The following CEP57L1 variants were observed in gnomAD, a reference collection of about 807,000 sequenced individuals.
The protein encoded by CEP57L1 is centrosomal protein 57 like 1.
CEP57L1 carries 37 observed loss-of-function variants against 61.0 expected under a neutral mutation model. The ratio of observed to expected loss-of-function variants is 0.61; its 90% confidence interval spans 0.47 to 0.80. CEP57L1 has a LOEUF of 0.80. Among genes scored for constraint, CEP57L1 ranks in the 30% least tolerant of loss-of-function variants. The pLI is 0.00. For missense variants in CEP57L1, 422 were observed against 524.7 expected (o/e 0.80, Z 1.91); for synonymous variants, 137 against 162.3 (o/e 0.84, Z 1.19).
At chr6:109,138,729 A>T (rs141426172) in intron 1 of CEP57L1, among the ~76,000 whole-genome samples, 1 of 152,192 alleles carries the variant, frequency 6.6e-6, no homozygotes, top group Non-Finnish European at 1.5e-5. Context: ...TTCTTTTAAG[A>T]TAAGTATGAC....
rs1774352576 is a variant in CEP57L1, at chr6:109,170,499, GA to G, written c.*7531del. 6.6e-6 allele frequency among the ~76,000 whole-genome samples: 1 copy of G among 152,010 alleles called. No homozygotes were observed. Among genetic ancestry groups the G allele is most frequent in the Non-Finnish European group, 1.5e-5 (1 of 67,978 alleles). ...TGTTACTGAACCTAGTACAGAATGT[GA>G]ATCATTTCATGCCTGAAATACAAGA... On this transcript the variant is annotated 3_prime_UTR_variant, in exon 11 of 11. Transcript: ENST00000517392.
At chr6:109,117,477 C>G (rs962936705) in intron 1 of CEP57L1, among the ~76,000 whole-genome samples, 3 of 152,198 alleles carry the variant, frequency 2.0e-5, no homozygotes, top group Admixed American at 6.5e-5. Context: ...ACTGGGCCAA[C>G]TACTATGACG....
At chr6:109,145,130 T>G in intron 1 of CEP57L1, 89 bp from the exon 2 acceptor site, 1 of 747,336 alleles carries the variant, frequency 1.3e-6, no homozygotes, top group East Asian at 2.7e-5. Flanking sequence ...TATGATTATG[T>G]TTTTAAAGTT....
rs180761914 is a variant in CEP57L1, at chr6:109,171,417, G to C, written c.*8447G>C. 6.8e-6 allele frequency among the ~76,000 whole-genome samples: 1 copy of C among 147,830 alleles called. No homozygotes were observed. Among genetic ancestry groups the C allele is most frequent in the Non-Finnish European group, 1.5e-5 (1 of 67,220 alleles). On this transcript the variant is annotated 3_prime_UTR_variant, in exon 11 of 11. Transcript: ENST00000517392. ...CCACACCCGGCTGTTTTTTTTTTTC[G>C]CATTTTTAATAGAAACGGGGTTTCA...
intron 2 of CEP57L1, 130 bp downstream of exon 2, chr6:109,145,511 G>A (rs552736570): frequency 1.6e-6 from 1 of 620,764 alleles, no homozygotes; most frequent in East Asian, 3.0e-5. Context: ...GTTGCTAAAA[G>A]TTTCTATGAA....
chr6:109,116,122 G>GTTA (rs1772250769), intron 1 of CEP57L1, among the ~76,000 whole-genome samples: 7 of 123,122 alleles, frequency 5.7e-5, no homozygotes, highest in South Asian at 2.7e-4. Flanking sequence ...TTTATGTTAT[G>GTTA]TGTTGTGTTA....
chr6:109,119,644 ATTATC>A (rs1287856707), intron 1 of CEP57L1, among the ~76,000 whole-genome samples: 1 of 152,218 alleles, frequency 6.6e-6, no homozygotes, highest in African/African-American at 2.4e-5. Context: ...ACAAAAAAAT[ATTATC>A]TTAGGCAGAA....
chr6:109,129,293 A>C, intron 1 of CEP57L1: 2 of 979,140 alleles, frequency 2.0e-6, no homozygotes, highest in Non-Finnish European at 2.6e-6. Context: ...TAAGCTATTC[A>C]TATTTCCTAG....
chr6:109,135,304 G>T (rs1205948873), intron 1 of CEP57L1, among the ~76,000 whole-genome samples: 1 of 152,128 alleles, frequency 6.6e-6, no homozygotes, highest in Non-Finnish European at 1.5e-5. Flanking sequence ...ACAAAAACAA[G>T]AAATGGGGAA....
chr6:109,133,003 A>G (rs1424716193), intron 1 of CEP57L1, among the ~76,000 whole-genome samples: 1 of 152,182 alleles, frequency 6.6e-6, no homozygotes, highest in Admixed American at 6.5e-5. Flanking sequence ...TGGTAAATTA[A>G]TTAAATTAAT....
chr6:109,097,224 A>G (rs533559424), intron 1 of CEP57L1, among the ~76,000 whole-genome samples: 2 of 152,288 alleles, frequency 1.3e-5, no homozygotes, highest in African/African-American at 4.8e-5. Context: ...TCCTTCAAAT[A>G]TATTTTTCTC....
chr6:109,119,728 A>C (rs2114688275), intron 1 of CEP57L1, among the ~76,000 whole-genome samples: 1 of 152,280 alleles, frequency 6.6e-6, no homozygotes, highest in Middle Eastern at 3.4e-3. Context: ...GGGCCTGGAG[A>C]AGGCATTAGG....
At chr6:109,108,643 G>C (rs1191826024) in intron 1 of CEP57L1, among the ~76,000 whole-genome samples, 1 of 152,106 alleles carries the variant, frequency 6.6e-6, no homozygotes, top group Admixed American at 6.5e-5. Flanking sequence ...AAATACGAGA[G>C]ACAAATTCTA....
intron 1 of CEP57L1, among the ~76,000 whole-genome samples, chr6:109,116,302 C>G (rs1772297843): frequency 6.6e-6 from 1 of 151,988 alleles, no homozygotes. Flanking sequence ...CTCAGCCTCC[C>G]AAGTAGCTGG....
intron 1 of CEP57L1, among the ~76,000 whole-genome samples, chr6:109,136,243 G>T (rs1004114329): frequency 9.8e-4 from 149 of 152,238 alleles, no homozygotes; most frequent in African/African-American, 3.4e-3. Flanking sequence ...CCATAAAAAA[G>T]GATGAGTTCA....
At chr6:109,141,784 C>G (rs573297830) in intron 1 of CEP57L1, among the ~76,000 whole-genome samples, 4 of 151,958 alleles carry the variant, frequency 2.6e-5, no homozygotes, top group African/African-American at 4.8e-5. Context: ...GTTAGTCCAG[C>G]CTTACTGTGT....
chr6:109,127,327 C>G (rs1328125722), intron 1 of CEP57L1, among the ~76,000 whole-genome samples: 2 of 152,114 alleles, frequency 1.3e-5, no homozygotes, highest in African/African-American at 2.4e-5. Context: ...GACTCACCCC[C>G]TTCCCTTTTC....
chr6:109,160,298 T>C (rs1773600397), intron 9 of CEP57L1, among the ~76,000 whole-genome samples: 1 of 152,166 alleles, frequency 6.6e-6, no homozygotes, highest in South Asian at 2.1e-4. Context: ...ACATCATACA[T>C]TTTACTACAT....
In CEP57L1 at chr6:109,170,017, C is replaced by T. The variant is rs967981665; in HGVS notation, c.*7047C>T. ...ATAGCTTCATTAAATAAACTAACTC[C>T]TGAGAGGATTTCTTTGGCCTTTAAT... On this transcript the variant is annotated 3_prime_UTR_variant, in exon 11 of 11. Coordinates refer to ENST00000517392, the MANE Select transcript of CEP57L1 (RefSeq NM_001271852.3). Among the ~76,000 whole-genome samples, 2 of 152,080 alleles carry T rather than the reference C, an allele frequency of 1.3e-5. No homozygotes were observed. The highest frequency in any genetic ancestry group is 4.8e-5 in the African/African-American group (2 of 41,414).
Sources: allele counts gnomAD v4.1 joint callset (sites outside exome capture counted in the v4.1 genomes callset), GRCh38; gene constraint gnomAD v4.1.1; transcripts MANE v1.5; gene names NCBI Gene and HGNC (gene_info 2026-07-23, HGNC 2026-07-21).